The following DGCR2 variants were observed in gnomAD, a reference collection of about 807,000 sequenced individuals.
DGCR2 encodes DiGeorge syndrome critical region gene 2.
DGCR2 carries 24 observed loss-of-function variants against 51.6 expected under a neutral mutation model. The observed-to-expected ratio is 0.47, with a 90% CI of 0.34 to 0.65. The LOEUF is 0.65. Ranked by LOEUF, DGCR2 falls within the 30% of genes least tolerant of loss-of-function variation. DGCR2 has a pLI of 0.01. For synonymous variants in DGCR2, 340 were observed against 315.4 expected (o/e 1.08, Z -0.82); for missense variants, 765 against 772.1 (o/e 0.99, Z 0.11).
chr22:19,060,911 G>C (rs764166577), intron 5 of DGCR2: 19 of 512,242 alleles, frequency 3.7e-5, no homozygotes, highest in African/African-American at 3.3e-4. Context: ...CCGACACATG[G>C]GCATAGTAAG....
At chr22:19,066,673 G>A (rs2082753151) in intron 3 of DGCR2, among the ~76,000 whole-genome samples, 1 of 152,222 alleles carries the variant, frequency 6.6e-6, no homozygotes, top group Non-Finnish European at 1.5e-5. Flanking sequence ...GCTGAGGCAT[G>A]GAGGGAAGGA....
chr22:19,116,916 C>T (rs1016220973), intron 1 of DGCR2, among the ~76,000 whole-genome samples: 1 of 151,990 alleles, frequency 6.6e-6, no homozygotes. Flanking sequence ...ACAACCGGAT[C>T]ACCTGCCACT....
At chr22:19,043,110 C>T (rs2082451220) in intron 7 of DGCR2, among the ~76,000 whole-genome samples, 1 of 152,240 alleles carries the variant, frequency 6.6e-6, no homozygotes, top group Admixed American at 6.5e-5. Flanking sequence ...GGCCATGAAG[C>T]TTGAAGCTGA....
At position 19,089,481 on chromosome 22, in the gene DGCR2, C is replaced by A; in HGVS notation, c.89G>T (p.Cys30Phe). 1 of 1,580,576 alleles carries A rather than the reference C, an allele frequency of 6.3e-7. No homozygotes were observed. Among genetic ancestry groups the A allele is most frequent in the Non-Finnish European group, 8.6e-7 (1 of 1,160,324 alleles). Residue 30 changes from cysteine (C) to phenylalanine (F), a missense_variant, in exon 2 of 10, where the codon TGC (cysteine) becomes TTC (phenylalanine). Around this residue, in one of 3 missense-constraint regions of DGCR2, gnomAD observed 370 missense variants for 325.5 expected, o/e 1.14. Transcript: ENST00000263196. ...VTEPLRPELR[C>F]NPGQFACRSG... ...GCGACACGCAAACTGCCCAGGGTTG[C>A]ACCGCAGCTCTGTGGGACCAAAGGG...
Position 19,041,291 on chromosome 22 carries a change from T to A in DGCR2, c.1163A>T (p.His388Leu). The change falls in exon 9 of 10, where the codon CAC becomes CTC. Residue 388 changes from histidine (H) to leucine (L), a missense_variant. By Grantham distance (99) the His-to-Leu change is moderately conservative. Transcript: ENST00000263196. ...RIESLIGANL[H>L]HFNLGRRIPG... The stretch of plus-strand genomic sequence containing the variant: ...GATCCTGCGGCCGAGGTTGAAGTGG[T>A]GCACTGGGCCATCAAAAGTGTGCAA... 6.2e-7 allele frequency: 1 copy of A among 1,613,678 alleles called. No individual in the cohort carries two copies. Among genetic ancestry groups the A allele is most frequent in the South Asian group, 1.1e-5 (1 of 91,086 alleles).
At chr22:19,075,556 A>T (rs2082866508) in intron 2 of DGCR2, among the ~76,000 whole-genome samples, 1 of 152,176 alleles carries the variant, frequency 6.6e-6, no homozygotes, top group Non-Finnish European at 1.5e-5. Flanking sequence ...CTTACCAAAC[A>T]AACTCCGTAT....
intron 2 of DGCR2, among the ~76,000 whole-genome samples, chr22:19,083,332 T>A (rs554899627): frequency 6.6e-6 from 1 of 152,300 alleles, no homozygotes; most frequent in African/African-American, 2.4e-5. Flanking sequence ...ACTGGCCAAT[T>A]TGGATTTCCC....
intron 1 of DGCR2, among the ~76,000 whole-genome samples, chr22:19,108,569 TAAAAAAAAAAAAAAAAAAAAAAA>T (rs55803042): frequency 3.3e-5 from 3 of 90,780 alleles, no homozygotes; most frequent in East Asian, 4.0e-4. Flanking sequence ...AGAATTTATC[TAAAAAAAAAAAAAAAAAAAAAAA>T]AAAAAAAAAA....
At chr22:19,055,359 T>C (rs1037027719) in intron 6 of DGCR2, among the ~76,000 whole-genome samples, 1 of 152,178 alleles carries the variant, frequency 6.6e-6, no homozygotes, top group African/African-American at 2.4e-5. Flanking sequence ...TAGGTACTTC[T>C]TTGACTTCAT....
rs866510502 is a variant in DGCR2 at position 19,051,330 on chromosome 22, C to G, written c.803-2687G>C. Reference sequence around the variant, plus strand: ...ACAACAAAACTTTTGTTCCTGAAAGCTCACCTGAAGAGGATGAAGGCAAGC... The same window carrying G: ...ACAACAAAACTTTTGTTCCTGAAAGGTCACCTGAAGAGGATGAAGGCAAGC... On this transcript the variant is annotated intron_variant, in intron 6 of 9. Coordinates refer to ENST00000263196, the MANE Select transcript of DGCR2 (RefSeq NM_005137.3). Among the ~76,000 whole-genome samples, 10 of 152,084 alleles carry G rather than the reference C, an allele frequency of 6.6e-5. No homozygotes were observed. The South Asian group carries it at 1.7e-3, about 25-fold the overall frequency.
At chr22:19,109,040 A>G (rs1313786342) in intron 1 of DGCR2, among the ~76,000 whole-genome samples, 1 of 149,152 alleles carries the variant, frequency 6.7e-6, no homozygotes, top group Non-Finnish European at 1.5e-5. Context: ...AAAGGAAAAG[A>G]AAAAAAAAAC....
intron 2 of DGCR2, among the ~76,000 whole-genome samples, chr22:19,078,936 T>C (rs1179759842): frequency 1.3e-5 from 2 of 152,212 alleles, no homozygotes; most frequent in Non-Finnish European, 2.9e-5. Context: ...AATTCATCAG[T>C]GAAGCCATGT....
At chr22:19,067,861 G>C (rs192005104) in intron 3 of DGCR2, among the ~76,000 whole-genome samples, 18 of 152,320 alleles carry the variant, frequency 1.2e-4, no homozygotes, top group Admixed American at 1.0e-3. Context: ...CAGTCACTTT[G>C]TGAGAACAAG....
intron 1 of DGCR2, among the ~76,000 whole-genome samples, chr22:19,102,979 C>G (rs1250165570): frequency 6.6e-6 from 1 of 152,124 alleles, no homozygotes; most frequent in Admixed American, 6.6e-5. Flanking sequence ...CCACTGCACT[C>G]TAGCCTTGAC....
intron 4 of DGCR2, among the ~76,000 whole-genome samples, chr22:19,064,365 C>T (rs979689547): frequency 4.6e-5 from 7 of 152,214 alleles, no homozygotes; most frequent in Non-Finnish European, 8.8e-5. Context: ...AAAACAACTC[C>T]GTCTTGTGAT....
intron 1 of DGCR2, among the ~76,000 whole-genome samples, chr22:19,118,143 TG>T (rs1007217444): frequency 2.0e-5 from 3 of 151,992 alleles, no homozygotes; most frequent in Non-Finnish European, 1.5e-5. Flanking sequence ...CCAAAGCAGG[TG>T]GATCACTTGA....
chr22:19,093,840 A>G (rs149557838), intron 1 of DGCR2, among the ~76,000 whole-genome samples: 5 of 151,212 alleles, frequency 3.3e-5, no homozygotes, highest in Non-Finnish European at 4.4e-5. Flanking sequence ...CTACATTACA[A>G]AAAAAAAACA....
intron 1 of DGCR2, among the ~76,000 whole-genome samples, chr22:19,118,378 A>C (rs962919784): frequency 1.2e-4 from 18 of 148,886 alleles, no homozygotes; most frequent in African/African-American, 3.4e-4. Flanking sequence ...CGCAAACAAA[A>C]AAAAAAAAAA....
chr22:19,100,272 A>C (rs2083187061), intron 1 of DGCR2, among the ~76,000 whole-genome samples: 1 of 152,072 alleles, frequency 6.6e-6, no homozygotes, highest in Admixed American at 6.6e-5. Context: ...CTGTCTCAAA[A>C]AAAAGAAAAA....
Sources: allele counts gnomAD v4.1 joint callset (sites outside exome capture counted in the v4.1 genomes callset), GRCh38; gene constraint gnomAD v4.1.1; regional missense constraint gnomAD v4.1.1; transcripts MANE v1.5; gene names NCBI Gene and HGNC (gene_info 2026-07-23, HGNC 2026-07-21).